NAV3: variants seen among roughly 807,000 people sequenced by gnomAD.
NAV3 encodes neuron navigator 3.
Under a neutral mutation model 244.7 loss-of-function variants are expected in NAV3, and 87 were observed. The ratio of observed to expected loss-of-function variants is 0.36; its 90% CI spans 0.30 to 0.42. NAV3 has a LOEUF of 0.42. Among genes scored for constraint, NAV3 ranks in the 20% least tolerant of loss-of-function variants. NAV3 has a pLI of 1.00. For synonymous variants in NAV3, 1,126 were observed against 1,042.2 expected, an observed-to-expected ratio of 1.08 and a Z score of -1.55; for missense variants, 2,663 against 2,893.3, an observed-to-expected ratio of 0.92 and a Z score of 1.83.
intron 4 of NAV3, 47 bp downstream of exon 4, chr12:77,966,348 T>A: frequency 6.8e-7 from 1 of 1,472,382 alleles, no homozygotes; most frequent in Non-Finnish European, 9.4e-7. Context: ...TCAATGTTTT[T>A]AAATTATTTT....
rs959919929 is a variant in NAV3 at position 78,119,516 on chromosome 12, A to T, written c.3320A>T (p.Asn1107Ile). ...PKSAAIGGKS[N>I]AGRKTSLDGS... ...TCTGCTGCCATTGGCGGGAAGTCAA[A>T]TGCAGGGAGAAAAACCAGTTTGGAC... is the stretch of plus-strand genomic sequence containing the variant. The change falls in exon 15 of 40, where the codon AAT becomes ATT. Residue 1107 changes from asparagine (N) to isoleucine (I), a missense_variant. This residue lies in a region of NAV3 where 1,521 missense variants were observed against 1,497.0 expected (regional missense o/e 1.02). Coordinates refer to ENST00000397909, the MANE Select transcript of NAV3 (RefSeq NM_001024383.2). 3.7e-6 allele frequency: 6 copies of T among 1,614,082 alleles called. No homozygotes were observed. Among genetic ancestry groups the T allele is most frequent in the Non-Finnish European group, 5.1e-6 (6 of 1,180,038 alleles).
chr12:77,932,871 A>C (rs1342169370), intron 1 of NAV3, among the ~76,000 whole-genome samples: 1 of 152,118 alleles, frequency 6.6e-6, no homozygotes, highest in Non-Finnish European at 1.5e-5. Context: ...GCCAAATAGA[A>C]CTATACAAAA....
intron 5 of NAV3, among the ~76,000 whole-genome samples, chr12:77,975,226 TG>T (rs1868293112): frequency 6.6e-6 from 1 of 152,184 alleles, no homozygotes; most frequent in African/African-American, 2.4e-5. Flanking sequence ...CCATTTTCAT[TG>T]GATTCACACA....
At position 78,050,855 on chromosome 12, in the gene NAV3, T is replaced by G. The variant is rs1304327668; in HGVS notation, c.2224T>G (p.Trp742Gly). 1 of 1,614,098 alleles carries G rather than the reference T, an allele frequency of 6.2e-7. No individual in the cohort carries two copies. The highest frequency in any genetic ancestry group is 1.1e-5 in the South Asian group (1 of 91,076). The change falls in exon 11 of 40, where the codon TGG becomes GGG. Residue 742 changes from tryptophan (W) to glycine (G), a missense_variant. This residue lies in a region of NAV3 where 1,521 missense variants were observed against 1,497.0 expected (regional missense o/e 1.02). Coordinates refer to ENST00000397909, the MANE Select transcript of NAV3 (RefSeq NM_001024383.2). Reference sequence around the variant, plus strand: ...GACAAGTCGACCCACCCCCATGACCTGGAGGTTGGGCCAGGCATGTCCGCG... The same window carrying G: ...GACAAGTCGACCCACCCCCATGACCGGGAGGTTGGGCCAGGCATGTCCGCG... ...NLTSRPTPMT[W>G]RLGQACPRLQ...
At chr12:77,859,550 A>C (rs1364873977) in intron 1 of NAV3, among the ~76,000 whole-genome samples, 4 of 151,608 alleles carry the variant, frequency 2.6e-5, no homozygotes, top group Non-Finnish European at 5.9e-5. Flanking sequence ...GCGCACCAGC[A>C]TGGCACATGT....
At chr12:77,930,897 A>G (rs938586201) in intron 1 of NAV3, among the ~76,000 whole-genome samples, 30 of 152,312 alleles carry the variant, frequency 2.0e-4, no homozygotes, top group African/African-American at 7.0e-4. Flanking sequence ...ATGTCACTGT[A>G]GAGACTTGTG....
chr12:77,864,922 A>T (rs1399184889), intron 1 of NAV3, among the ~76,000 whole-genome samples: 2 of 152,042 alleles, frequency 1.3e-5, no homozygotes, highest in East Asian at 3.9e-4. Context: ...TCAAATAATG[A>T]ATTAATGAGT....
chr12:78,195,491 A>G lies in NAV3; in HGVS notation c.6292-1756A>G, dbSNP rs536694058. 2.6e-5 allele frequency among the ~76,000 whole-genome samples: 4 copies of G among 151,868 alleles called. No homozygotes were observed. The South Asian group carries it at 8.3e-4, about 32-fold the overall frequency. On this transcript the variant is annotated intron_variant, in intron 34 of 39. Coordinates refer to ENST00000397909, the MANE Select transcript of NAV3 (RefSeq NM_001024383.2). ...TTGTGCATTTCACTTAGCACACTGT[A>G]TTGTGAATCACTTGCTCACCAGCTT... is the stretch of plus-strand genomic sequence containing the variant.
chr12:77,748,673 G>A (rs1396103949), intron 2 of NAV3, among the ~76,000 whole-genome samples: 2 of 152,130 alleles, frequency 1.3e-5, no homozygotes, highest in African/African-American at 4.8e-5. Context: ...ACTTAGATGT[G>A]GGGTCTACAA....
rs375401899 is a variant in NAV3 at position 77,921,554 on chromosome 12, C to G, written c.244-18765C>G. Among the ~76,000 whole-genome samples the G allele has an allele frequency of 3.4e-4, 52 of 152,118 alleles. 1 individual carries two copies. Among genetic ancestry groups the G allele is most frequent in the African/African-American group, 1.2e-3 (51 of 41,520 alleles). Reference sequence around the variant, plus strand: ...CGTTGTTAAGAACTGCAGTTTGGAACCGACTTGGGAAAGATTGTCTTATGA... The same window carrying G: ...CGTTGTTAAGAACTGCAGTTTGGAAGCGACTTGGGAAAGATTGTCTTATGA... On this transcript the variant is annotated intron_variant, in intron 1 of 39. Transcript: ENST00000397909.
chr12:78,075,246 G>C (rs1291120453), intron 12 of NAV3, among the ~76,000 whole-genome samples: 2 of 152,156 alleles, frequency 1.3e-5, no homozygotes, highest in Non-Finnish European at 2.9e-5. Context: ...AGGGGATTTA[G>C]AGTTTAGATT....
intron 24 of NAV3, among the ~76,000 whole-genome samples, chr12:78,174,520 T>C (rs1958137694): frequency 6.6e-6 from 1 of 151,936 alleles, no homozygotes; most frequent in African/African-American, 2.4e-5. Flanking sequence ...TTCAGTAGTT[T>C]GCTTTAAGAA....
chr12:77,626,130 T>C (rs2136895499), intron 2 of NAV3, among the ~76,000 whole-genome samples: 1 of 152,050 alleles, frequency 6.6e-6, no homozygotes, highest in Middle Eastern at 3.4e-3. Context: ...ATCCCAGAAC[T>C]GAAGAATTCA....
At chr12:77,614,999 G>A (rs1871093488) in intron 2 of NAV3, among the ~76,000 whole-genome samples, 1 of 152,156 alleles carries the variant, frequency 6.6e-6, no homozygotes, top group African/African-American at 2.4e-5. Flanking sequence ...GAGAAGGTCA[G>A]CCAAAAGATA....
rs1432891259 is a variant in NAV3, at chr12:78,210,519, G to T, written c.*2G>T. The T allele has an allele frequency of 6.2e-7, 1 of 1,608,740 alleles. No homozygotes were observed. Among genetic ancestry groups the T allele is most frequent in the Non-Finnish European group, 8.5e-7 (1 of 1,178,458 alleles). On this transcript the variant is annotated 3_prime_UTR_variant, in exon 40 of 40. Coordinates refer to ENST00000397909, the MANE Select transcript of NAV3 (RefSeq NM_001024383.2). ...TCATCTCTTGAATCTACCCTCTAGAGGGTGAAAAAAGTTAAGGGAAAAGAC... is the reference window on the plus strand; with the variant it reads ...TCATCTCTTGAATCTACCCTCTAGATGGTGAAAAAAGTTAAGGGAAAAGAC...
Position 77,698,654 on chromosome 12 carries a change from T to G in NAV3, c.72+126388T>G, listed in dbSNP as rs530131968. ...AGAATGGGTATGGTCACCCAGAATA[T>G]GTAGAAAGTGAGACCATGGAAGGAT... On this transcript the variant is annotated intron_variant, in intron 2 of 8. Coordinates refer to the NAV3 transcript ENST00000550042. 3.5e-4 allele frequency among the ~76,000 whole-genome samples: 53 copies of G among 152,104 alleles called. 1 individual carries two copies. Among genetic ancestry groups the G allele is most frequent in the Admixed American group, 1.1e-3 (17 of 15,252 alleles).
At chr12:78,112,109 C>T (rs1469206137) in intron 12 of NAV3, among the ~76,000 whole-genome samples, 1 of 152,180 alleles carries the variant, frequency 6.6e-6, no homozygotes, top group East Asian at 1.9e-4. Context: ...GCTACCTCCA[C>T]TGACACCTCT....
chr12:77,942,170 CG>C (rs2137502148), intron 3 of NAV3, among the ~76,000 whole-genome samples: 1 of 152,206 alleles, frequency 6.6e-6, no homozygotes. Flanking sequence ...GTCGGGAGTT[CG>C]AGACCAGCCT....
rs1432521719 is a variant in NAV3 at position 77,771,935 on chromosome 12, AAT to A, written c.73-168383_73-168382del. 4.6e-5 allele frequency among the ~76,000 whole-genome samples: 7 copies of A among 152,302 alleles called. No homozygotes were observed. In the East Asian group the frequency reaches 7.7e-4, roughly 17 times the overall value. On this transcript the variant is annotated intron_variant, in intron 2 of 8. Coordinates refer to the NAV3 transcript ENST00000550042. ...AATAATAATAAAAAAATTAAAAAAA[AAT>A]GTAACCATTTGGATTTAGGTTATTT...
Sources: allele counts gnomAD v4.1 joint callset (sites outside exome capture counted in the v4.1 genomes callset), GRCh38; gene constraint gnomAD v4.1.1; regional missense constraint gnomAD v4.1.1; transcripts MANE v1.5; gene names NCBI Gene and HGNC (gene_info 2026-07-23, HGNC 2026-07-21).